OR51B5: variants seen among roughly 807,000 people sequenced by gnomAD.
The protein encoded by OR51B5 is olfactory receptor family 51 subfamily B member 5.
For missense variants in OR51B5, 456 were observed against 374.6 expected (o/e 1.22, Z -1.79); for synonymous variants, 186 against 144.8 (o/e 1.28, Z -2.04).
chr11:5,401,156 T>C (rs1278825505), intron 1 of OR51B5, among the ~76,000 whole-genome samples: 1 of 152,144 alleles, frequency 6.6e-6, no homozygotes, highest in Non-Finnish European at 1.5e-5. Flanking sequence ...ATTGCCTTCC[T>C]CTCCTCCCCA....
intron 1 of OR51B5, among the ~76,000 whole-genome samples, chr11:5,488,303 A>G (rs1269045583): frequency 6.6e-6 from 1 of 152,180 alleles, no homozygotes; most frequent in East Asian, 1.9e-4. Context: ...GAGAGGAGGA[A>G]AATAAAGGAA....
intron 1 of OR51B5, among the ~76,000 whole-genome samples, chr11:5,415,878 A>T (rs992641009): frequency 6.6e-6 from 1 of 151,170 alleles, no homozygotes; most frequent in Admixed American, 6.6e-5. Context: ...TCCTTCTGAA[A>T]CTATTCCAAT....
At chr11:5,442,771 C>A (rs192463872) in intron 1 of OR51B5, among the ~76,000 whole-genome samples, 2 of 152,290 alleles carry the variant, frequency 1.3e-5, no homozygotes, top group African/African-American at 2.4e-5. Flanking sequence ...GGCTTCCACA[C>A]TCCCCTCCTC....
chr11:5,438,884 C>A (rs1394658357), intron 1 of OR51B5, among the ~76,000 whole-genome samples: 2 of 152,116 alleles, frequency 1.3e-5, no homozygotes, highest in African/African-American at 2.4e-5. Flanking sequence ...CAGGTAAACG[C>A]TTGGTAAACA....
chr11:5,353,446 G>A (rs948219563), intron 1 of OR51B5, among the ~76,000 whole-genome samples: 3 of 151,266 alleles, frequency 2.0e-5, no homozygotes, highest in Non-Finnish European at 2.9e-5. Flanking sequence ...AAATAGCAGA[G>A]TTGAAAAACA....
chr11:5,432,443 G>A (rs1347950314), intron 1 of OR51B5, among the ~76,000 whole-genome samples: 1 of 152,048 alleles, frequency 6.6e-6, no homozygotes, highest in African/African-American at 2.4e-5. Flanking sequence ...TTTTTGTTTG[G>A]CTTGGTTTGA....
chr11:5,381,420 T>G (rs1296287352), intron 1 of OR51B5, among the ~76,000 whole-genome samples: 1 of 152,222 alleles, frequency 6.6e-6, no homozygotes, highest in Admixed American at 6.5e-5. Flanking sequence ...GTGATAGAGA[T>G]AGGTCCGAGG....
intron 1 of OR51B5, among the ~76,000 whole-genome samples, chr11:5,496,291 T>C (rs1381007731): frequency 6.6e-6 from 1 of 152,270 alleles, no homozygotes; most frequent in Non-Finnish European, 1.5e-5. Context: ...GAAACTGTGA[T>C]TATAAATTTT....
At chr11:5,361,359 T>C (rs1849281515) in intron 1 of OR51B5, among the ~76,000 whole-genome samples, 1 of 152,048 alleles carries the variant, frequency 6.6e-6, no homozygotes, top group Non-Finnish European at 1.5e-5. Context: ...GAGTGGGCCG[T>C]AGGGAGGAGT....
chr11:5,488,418 A>G (rs959803859), intron 1 of OR51B5, among the ~76,000 whole-genome samples: 1 of 152,152 alleles, frequency 6.6e-6, no homozygotes, highest in Non-Finnish European at 1.5e-5. Context: ...ATGGAGGGAG[A>G]TAAGTCTGGA....
exon 1 of OR51B5, chr11:5,342,606 T>C (rs1218048923): frequency 6.3e-7 from 1 of 1,591,776 alleles, no homozygotes; most frequent in Non-Finnish European, 8.5e-7. Context: ...ATTCTATGGG[T>C]AGTAAAAAGG....
chr11:5,435,989 C>A (rs1850587055), intron 1 of OR51B5, among the ~76,000 whole-genome samples: 1 of 152,076 alleles, frequency 6.6e-6, no homozygotes, highest in Non-Finnish European at 1.5e-5. Flanking sequence ...ATGATTCTGA[C>A]ACAAAGATAT....
chr11:5,413,055 C>A (rs538287338), intron 1 of OR51B5, among the ~76,000 whole-genome samples: 2 of 152,156 alleles, frequency 1.3e-5, no homozygotes, highest in African/African-American at 4.8e-5. Context: ...CAGACTGACA[C>A]CTCACACGGC....
At chr11:5,393,368 T>C (rs1279898842) in intron 1 of OR51B5, 1 of 96,950 alleles carries the variant, frequency 1.0e-5, no homozygotes, top group South Asian at 3.5e-4. Flanking sequence ...AGGAAACTGT[T>C]GGCAAAATAT....
intron 1 of OR51B5, among the ~76,000 whole-genome samples, chr11:5,367,777 G>A (rs1366103225): frequency 6.6e-6 from 1 of 152,128 alleles, no homozygotes; most frequent in African/African-American, 2.4e-5. Context: ...TCTGACAAAA[G>A]GAACAAAAAT....
At chr11:5,489,586 A>G in intron 1 of OR51B5, 1 of 1,613,990 alleles carries the variant, frequency 6.2e-7, no homozygotes, top group East Asian at 2.2e-5. Flanking sequence ...ACTCAATCCT[A>G]TTCTCTATGG....
chr11:5,427,073 GTTCTT>G (rs1435737995), intron 1 of OR51B5, among the ~76,000 whole-genome samples: 2 of 152,126 alleles, frequency 1.3e-5, no homozygotes, highest in African/African-American at 4.8e-5. Flanking sequence ...CTAGTCCATT[GTTCTT>G]TTGAGTTATT....
rs1289147645 is a variant in OR51B5 at position 5,432,402 on chromosome 11, T to G, written n.84+73167A>C. ...TACTAGATGTGTGATGTGTTCAACTTATTTATACTCTGATCCAAAATTTTA... is the reference window on the plus strand; with the variant it reads ...TACTAGATGTGTGATGTGTTCAACTGATTTATACTCTGATCCAAAATTTTA... On this transcript the variant is annotated intron_variant and non_coding_transcript_variant, in intron 1 of 4. Coordinates refer to the OR51B5 transcript ENST00000415970. Among the ~76,000 whole-genome samples the G allele has an allele frequency of 4.6e-5, 7 of 152,340 alleles. No individual in the cohort carries two copies. In the East Asian group the frequency reaches 1.3e-3, roughly 29 times the overall value.
chr11:5,410,097 T>G (rs1332564700), intron 1 of OR51B5, among the ~76,000 whole-genome samples: 2 of 152,140 alleles, frequency 1.3e-5, no homozygotes, highest in Non-Finnish European at 2.9e-5. Flanking sequence ...AGAGTATTTG[T>G]TAGCAGCAAA....
Sources: allele counts gnomAD v4.1 joint callset (sites outside exome capture counted in the v4.1 genomes callset), GRCh38; gene constraint gnomAD v4.1.1; transcripts MANE v1.5; gene names NCBI Gene and HGNC (gene_info 2026-07-23, HGNC 2026-07-21).